FAM117B: variants seen among roughly 807,000 people sequenced by gnomAD.
FAM117B encodes family with sequence similarity 117 member B, also known as protein FAM117B.
A neutral mutation model predicts 52.8 loss-of-function variants in FAM117B; 22 were observed. The observed-to-expected ratio is 0.42, with a 90% confidence interval of 0.30 to 0.59. The LOEUF (loss-of-function observed/expected upper bound fraction) is 0.59, where lower values mean the gene tolerates loss of function less well. Ranked by LOEUF, FAM117B falls within the 20% of genes least tolerant of loss-of-function variation. The pLI is 0.22. For missense variants in FAM117B, 678 were observed against 802.6 expected (o/e 0.84, Z 1.88); for synonymous variants, 309 against 324.1 (o/e 0.95, Z 0.50).
intron 2 of FAM117B, among the ~76,000 whole-genome samples, chr2:202,701,128 T>C (rs796177287): frequency 6.6e-5 from 10 of 152,326 alleles, no homozygotes; most frequent in African/African-American, 2.4e-4. Context: ...ATGCAGCTGG[T>C]GACTTTAAGT....
chr2:202,750,268 T>C lies in FAM117B; in HGVS notation c.961-5270T>C, dbSNP rs1453286786. On this transcript the variant is annotated intron_variant, in intron 4 of 7. Transcript: ENST00000392238. ...GCTCATGTTTGTAATGTCAGCACTT[T>C]GAGAGGCTGAGGCTGTCTGATTGCT... 2.0e-5 allele frequency among the ~76,000 whole-genome samples: 3 copies of C among 152,134 alleles called. No individual in the cohort carries two copies. In the East Asian group the frequency reaches 5.8e-4, roughly 29 times the overall value.
intron 4 of FAM117B, among the ~76,000 whole-genome samples, chr2:202,755,017 G>T (rs1691781148): frequency 6.6e-6 from 1 of 151,776 alleles, no homozygotes; most frequent in African/African-American, 2.4e-5. Context: ...GAAGGCAAAG[G>T]GGGAAAGACA....
intron 4 of FAM117B, among the ~76,000 whole-genome samples, chr2:202,753,558 A>T (rs185222770): frequency 3.3e-4 from 50 of 152,324 alleles, no homozygotes; most frequent in Middle Eastern, 3.4e-3. Flanking sequence ...AAAAGAAACT[A>T]TCATCAGAGT....
intron 4 of FAM117B, among the ~76,000 whole-genome samples, chr2:202,746,833 A>C (rs985478723): frequency 2.6e-5 from 4 of 152,158 alleles, no homozygotes; most frequent in Non-Finnish European, 4.4e-5. Context: ...AACTAGCACC[A>C]GTTCTTCTCA....
chr2:202,731,368 T>TATATATATATATA (rs780138718), intron 4 of FAM117B, among the ~76,000 whole-genome samples: 34 of 95,820 alleles, frequency 3.5e-4, no homozygotes, highest in South Asian at 6.3e-4. Flanking sequence ...TATATATATA[T>TATATATATATATA]GGAGAGAGAG....
intron 1 of FAM117B, among the ~76,000 whole-genome samples, chr2:202,682,207 C>T (rs1315878944): frequency 6.6e-6 from 1 of 152,222 alleles, no homozygotes. Context: ...CCTCATTCCT[C>T]CTGGGTGCTG....
chr2:202,732,077 G>C (rs1691361302), intron 4 of FAM117B, among the ~76,000 whole-genome samples: 1 of 146,774 alleles, frequency 6.8e-6, no homozygotes, highest in Non-Finnish European at 1.5e-5. Context: ...TTATAGTAGA[G>C]ATGGGGTTTC....
chr2:202,747,776 A>G (rs1217121464), intron 4 of FAM117B, among the ~76,000 whole-genome samples: 1 of 152,166 alleles, frequency 6.6e-6, no homozygotes, highest in African/African-American at 2.4e-5. Context: ...ATCTACAACA[A>G]AAACTGCAAA....
chr2:202,708,584 C>T (rs550388853), intron 2 of FAM117B, among the ~76,000 whole-genome samples: 1 of 152,214 alleles, frequency 6.6e-6, no homozygotes, highest in Admixed American at 6.5e-5. Context: ...ATTGCTAGAG[C>T]ATGTGGTTTT....
chr2:202,759,395 A>G (rs754352046), intron 7 of FAM117B, 42 bp downstream of exon 7: 2 of 1,590,802 alleles, frequency 1.3e-6, no homozygotes, highest in Non-Finnish European at 1.7e-6. Context: ...AACTATTATG[A>G]GCTTTTTTTT....
At chr2:202,645,496 A>G (rs1328203382) in intron 1 of FAM117B, among the ~76,000 whole-genome samples, 3 of 146,284 alleles carry the variant, frequency 2.1e-5, no homozygotes, top group South Asian at 2.2e-4. Flanking sequence ...TCACTGTGTT[A>G]GCCAGGATGG....
At chr2:202,640,288 A>C (rs1689748129) in intron 1 of FAM117B, among the ~76,000 whole-genome samples, 1 of 110,808 alleles carries the variant, frequency 9.0e-6, no homozygotes, top group Non-Finnish European at 1.8e-5. Flanking sequence ...CACCACCACC[A>C]CCACAAAATA....
At chr2:202,698,238 A>G in intron 2 of FAM117B, among the ~76,000 whole-genome samples, 1 of 152,222 alleles carries the variant, frequency 6.6e-6, no homozygotes. Context: ...TTGATTTCCA[A>G]AATTCCAGGT....
chr2:202,744,976 CAAAAAAAAAAAAAA>C (rs58898446), intron 4 of FAM117B, among the ~76,000 whole-genome samples: 1 of 59,298 alleles, frequency 1.7e-5, no homozygotes, highest in Non-Finnish European at 2.9e-5. Flanking sequence ...GACTCTGTCT[CAAAAAAAAAAAAAA>C]AAAAAAAAAG....
At chr2:202,666,059 T>G (rs1265451770) in intron 1 of FAM117B, among the ~76,000 whole-genome samples, 1 of 152,250 alleles carries the variant, frequency 6.6e-6, no homozygotes, top group East Asian at 1.9e-4. Context: ...GCAACATTTG[T>G]TATGACTAAA....
chr2:202,699,752 C>A (rs60118342), intron 2 of FAM117B, among the ~76,000 whole-genome samples: 12,437 of 152,140 alleles, frequency 0.082, 1,698 homozygotes, highest in African/African-American at 0.28. Context: ...ATGCCTATGT[C>A]ATTTTATTGA....
At chr2:202,736,298 C>T (rs1332471941) in intron 4 of FAM117B, among the ~76,000 whole-genome samples, 1 of 152,066 alleles carries the variant, frequency 6.6e-6, no homozygotes, top group East Asian at 1.9e-4. Flanking sequence ...CTTGGAAGAG[C>T]TGTAAAGGTA....
intron 1 of FAM117B, among the ~76,000 whole-genome samples, chr2:202,675,928 T>C (rs1029181669): frequency 1.1e-4 from 15 of 139,840 alleles, no homozygotes; most frequent in African/African-American, 4.2e-4. Flanking sequence ...GAGGTTGCAG[T>C]GAGCTGAGAT....
At chr2:202,640,767 GC>G (rs1220910788) in intron 1 of FAM117B, among the ~76,000 whole-genome samples, 4 of 151,902 alleles carry the variant, frequency 2.6e-5, no homozygotes, top group African/African-American at 7.3e-5. Context: ...ATGCCACTAT[GC>G]CCAGCTAATT....
Sources: gnomAD v4.1 joint callset for allele counts (sites outside exome capture counted in the v4.1 genomes callset) on GRCh38, gnomAD v4.1.1 for gene constraint, MANE v1.5 for transcripts, NCBI Gene and HGNC (gene_info 2026-07-23, HGNC 2026-07-21) for gene names.